The following RPE variants were observed in gnomAD, a reference collection of about 807,000 sequenced individuals.
RPE encodes the protein ribulose-5-phosphate-3-epimerase.
In RPE, 16 loss-of-function variants were observed where a neutral mutation model predicts 24.6. The ratio of observed to expected loss-of-function variants is 0.65; its 90% CI spans 0.44 to 0.99. The LOEUF (loss-of-function observed/expected upper bound fraction) is 0.99, where lower values mean the gene tolerates loss of function less well. RPE is among the 50% of genes least tolerant of loss of function. The pLI, the probability that RPE is intolerant of heterozygous loss-of-function variation, is 0.00. For missense variants in RPE, 240 were observed against 294.5 expected (o/e 0.81, Z 1.35); for synonymous variants, 93 against 98.4 (o/e 0.94, Z 0.33).
intron 1 of RPE, among the ~76,000 whole-genome samples, chr2:210,004,845 C>A (rs2093608810): frequency 1.3e-5 from 2 of 152,034 alleles, no homozygotes; most frequent in South Asian, 4.2e-4. Flanking sequence ...CTCAGTAAGG[C>A]AAAGTATTTA....
chr2:210,022,099 T>C lies in RPE; in HGVS notation c.*2308T>C, dbSNP rs1463027092. On this transcript the variant is annotated 3_prime_UTR_variant, in exon 6 of 6. Coordinates refer to ENST00000359429, the MANE Select transcript of RPE (RefSeq NM_199229.3). The stretch of plus-strand genomic sequence containing the variant: ...TCTCTTCATGAGACACATTAATTGG[T>C]AAAACTCAAATTGAGTTTTCAAAGA... 1.3e-5 allele frequency: 2 copies of C among 151,792 alleles called. No homozygotes were observed. The allele number at this position is 151,792 out of a possible 1,614,324, so 9.4% of individuals were successfully genotyped here.
At chr2:210,011,029 A>G (rs1301096497) in intron 2 of RPE, among the ~76,000 whole-genome samples, 1 of 152,218 alleles carries the variant, frequency 6.6e-6, no homozygotes, top group Non-Finnish European at 1.5e-5. Flanking sequence ...CAGTGCAGCT[A>G]TGGGACATTT....
At position 210,016,073 on chromosome 2, in the gene RPE, A is replaced by G; in HGVS notation, c.303A>G (p.Pro101=). 2 of 1,614,226 alleles carry G rather than the reference A, an allele frequency of 1.2e-6. No homozygotes were observed. The highest frequency in any genetic ancestry group is 1.7e-6 in the Non-Finnish European group (2 of 1,180,034). The change falls in exon 3 of 6, where the codon CCA becomes CCG. Residue 101 remains proline (P), a synonymous_variant. Coordinates refer to ENST00000359429, the MANE Select transcript of RPE (RefSeq NM_199229.3). ...TTCATCTCGAGGCTACTGAGAACCC[A>G]GGGGCTTTGATTAAAGACATTCGGG... ...YTFHLEATEN[P]GALIKDIREN...
At chr2:210,016,274 T>G (rs771113829) in intron 3 of RPE, 162 bp downstream of exon 3, 1 of 1,613,366 alleles carries the variant, frequency 6.2e-7, no homozygotes, top group African/African-American at 1.3e-5. Context: ...AATACCTTAC[T>G]TAAGCAGCTG....
At chr2:210,018,012 T>C (rs2093802400) in intron 5 of RPE, 1 of 865,600 alleles carries the variant, frequency 1.2e-6, no homozygotes, top group South Asian at 1.8e-5. Context: ...CCCAAAGTGT[T>C]GGGATTACAG....
At chr2:210,013,652 A>G (rs1575313597) in intron 2 of RPE, among the ~76,000 whole-genome samples, 1 of 152,160 alleles carries the variant, frequency 6.6e-6, no homozygotes, top group East Asian at 1.9e-4. Context: ...CATACATTAA[A>G]TATCTATAAA....
At chr2:210,004,506 GTCT>G (rs1374790170) in intron 1 of RPE, among the ~76,000 whole-genome samples, 1 of 152,188 alleles carries the variant, frequency 6.6e-6, no homozygotes, top group East Asian at 1.9e-4. Context: ...AGCTTGTGTT[GTCT>G]CAAATGAAAT....
chr2:210,016,688 A>C (rs1575320652), intron 4 of RPE, 47 bp downstream of exon 4: 5 of 1,612,286 alleles, frequency 3.1e-6, no homozygotes, highest in Non-Finnish European at 4.2e-6. Flanking sequence ...CAGTGTGTTC[A>C]TTCAGTAAGC....
At position 210,011,483 on chromosome 2, in the gene RPE, G is replaced by C. The variant is rs183564438; in HGVS notation, c.202+1747G>C. 1.2e-3 allele frequency among the ~76,000 whole-genome samples: 186 copies of C among 152,118 alleles called. 1 individual carries two copies. Among genetic ancestry groups the C allele is most frequent in the African/African-American group, 4.2e-3 (175 of 41,496 alleles). Reference sequence around the variant, plus strand: ...CTATTGTCTATATCCCTTCCTGTCAGTGCCTTTCCTTTTAGCAATCCTGTG... The same window carrying C: ...CTATTGTCTATATCCCTTCCTGTCACTGCCTTTCCTTTTAGCAATCCTGTG... On this transcript the variant is annotated intron_variant, in intron 2 of 5. Transcript: ENST00000359429.
At chr2:210,015,870 AAAGAGTT>A in intron 2 of RPE, 96 bp from the exon 3 acceptor site, 1 of 1,183,352 alleles carries the variant, frequency 8.5e-7, no homozygotes, top group South Asian at 1.5e-5. Flanking sequence ...TGTGATGGCC[AAAGAGTT>A]CTTATCAGAA....
intron 3 of RPE, 86 bp downstream of exon 3, chr2:210,016,198 A>T: frequency 6.2e-7 from 1 of 1,613,812 alleles, no homozygotes; most frequent in Non-Finnish European, 8.5e-7. Flanking sequence ...TCTTTTTTTG[A>T]TACAGTCTTG....
At chr2:210,007,581 C>T (rs923598256) in intron 1 of RPE, among the ~76,000 whole-genome samples, 1 of 152,146 alleles carries the variant, frequency 6.6e-6, no homozygotes, top group Non-Finnish European at 1.5e-5. Flanking sequence ...TGGTCAATAC[C>T]ACTCTCCACG....
intron 5 of RPE, chr2:210,018,573 C>G (rs1366998183): frequency 1.0e-6 from 1 of 985,046 alleles, no homozygotes; most frequent in Admixed American, 6.2e-5. Context: ...ATATACCTAT[C>G]AAAAGCTTGA....
chr2:210,003,852 C>G (rs760891215), intron 1 of RPE, among the ~76,000 whole-genome samples: 1 of 152,050 alleles, frequency 6.6e-6, no homozygotes, highest in Non-Finnish European at 1.5e-5. Context: ...TTCCATTGCT[C>G]TATGTGGTTA....
At chr2:210,017,730 ATGCTTTTTTTTTT>A (rs1361840889) in intron 5 of RPE, 171 bp downstream of exon 5, 4 of 376,442 alleles carry the variant, frequency 1.1e-5, no homozygotes, top group South Asian at 2.8e-5. Context: ...ATAAGTGGAT[ATGCTTTTTTTTTT>A]TTTTTTTTTT....
At chr2:210,019,303 AGT>A (rs1376652718) in intron 5 of RPE, among the ~76,000 whole-genome samples, 1 of 152,188 alleles carries the variant, frequency 6.6e-6, no homozygotes, top group Admixed American at 6.5e-5. Context: ...AAAGAATAAA[AGT>A]GTTTTTTTAG....
intron 5 of RPE, chr2:210,018,158 T>C (rs1559483488): frequency 1.3e-6 from 2 of 1,533,478 alleles, no homozygotes; most frequent in Admixed American, 2.0e-5. Flanking sequence ...TTCAGCCCTT[T>C]GGAAGATCAT....
At chr2:210,012,858 T>C (rs897877621) in intron 2 of RPE, among the ~76,000 whole-genome samples, 1 of 152,230 alleles carries the variant, frequency 6.6e-6, no homozygotes, top group Admixed American at 6.5e-5. Flanking sequence ...TTACCAAATG[T>C]GATTTTGGGG....
intron 2 of RPE, among the ~76,000 whole-genome samples, chr2:210,014,177 C>A (rs953770518): frequency 2.8e-4 from 42 of 152,134 alleles, no homozygotes; most frequent in African/African-American, 9.9e-4. Flanking sequence ...CTGCAAGCTC[C>A]GCCTCCTGGA....
Sources: gnomAD v4.1 joint callset for allele counts (sites outside exome capture counted in the v4.1 genomes callset) on GRCh38, gnomAD v4.1.1 for gene constraint, MANE v1.5 for transcripts, NCBI Gene and HGNC (gene_info 2026-07-23, HGNC 2026-07-21) for gene names.